Variants in EML4 observed in about 807,000 individuals in gnomAD.
The protein encoded by EML4 is EMAP like 4.
A neutral mutation model predicts 129.0 loss-of-function variants in EML4; 72 were observed. The ratio of observed to expected loss-of-function variants is 0.56; its 90% CI spans 0.46 to 0.68. The LOEUF is 0.68. Among genes scored for constraint, EML4 ranks in the 30% least tolerant of loss-of-function variants. The probability of loss-of-function intolerance (pLI) is 0.00; values close to 1 mark genes in which losing one functional copy is unlikely to be tolerated. For synonymous variants in EML4, 532 were observed against 405.0 expected (o/e 1.31, Z -3.77); for missense variants, 1,363 against 1,190.6 (o/e 1.14, Z -2.13).
intron 6 of EML4, among the ~76,000 whole-genome samples, chr2:42,277,574 T>C (rs983979908): frequency 6.6e-6 from 1 of 151,274 alleles, no homozygotes; most frequent in Non-Finnish European, 1.5e-5. Flanking sequence ...CACAACCTTT[T>C]TTTTTTTTTT....
At chr2:42,187,345 G>A (rs1671317172) in intron 1 of EML4, among the ~76,000 whole-genome samples, 2 of 152,096 alleles carry the variant, frequency 1.3e-5, no homozygotes, top group South Asian at 2.1e-4. Context: ...ACCACATCCA[G>A]CGTATTTTGT....
At chr2:42,267,846 C>T (rs764732314) in intron 6 of EML4, among the ~76,000 whole-genome samples, 1 of 152,126 alleles carries the variant, frequency 6.6e-6, no homozygotes, top group Non-Finnish European at 1.5e-5. Context: ...GCTCCAGATA[C>T]AGCAGAGATA....
At chr2:42,191,958 G>A (rs12997585) in intron 1 of EML4, among the ~76,000 whole-genome samples, 32,673 of 151,760 alleles carry the variant, frequency 0.22, 4,550 homozygotes, top group East Asian at 0.56. Flanking sequence ...AGGCCAACAC[G>A]GTGAAACTCC....
chr2:42,197,505 C>G (rs754599381), intron 1 of EML4, among the ~76,000 whole-genome samples: 1 of 151,314 alleles, frequency 6.6e-6, no homozygotes, highest in Non-Finnish European at 1.5e-5. Flanking sequence ...TTTAAGACAC[C>G]TGCTTAAATA....
At chr2:42,296,473 A>AT (rs1558585859) in intron 13 of EML4, among the ~76,000 whole-genome samples, 7 of 92,930 alleles carry the variant, frequency 7.5e-5, no homozygotes, top group Non-Finnish European at 1.3e-4. Context: ...ACAACACCTT[A>AT]TACTTCTCTC....
chr2:42,207,606 A>G (rs903064808), intron 1 of EML4, among the ~76,000 whole-genome samples: 2 of 152,210 alleles, frequency 1.3e-5, no homozygotes, highest in Non-Finnish European at 2.9e-5. Context: ...AAATTTAGTT[A>G]ACAGGCAACT....
At chr2:42,195,310 T>C (rs926546998) in intron 1 of EML4, among the ~76,000 whole-genome samples, 2 of 152,186 alleles carry the variant, frequency 1.3e-5, no homozygotes, top group Non-Finnish European at 2.9e-5. Flanking sequence ...GTGAGAGAGA[T>C]TACATTATTA....
At chr2:42,297,101 G>A (rs532153500) in intron 13 of EML4, among the ~76,000 whole-genome samples, 7 of 152,238 alleles carry the variant, frequency 4.6e-5, no homozygotes, top group African/African-American at 1.2e-4. Flanking sequence ...AGCCTCTTTC[G>A]TTCAGTTTAG....
chr2:42,184,557 A>G (rs1056364999), intron 1 of EML4, among the ~76,000 whole-genome samples: 2 of 151,674 alleles, frequency 1.3e-5, no homozygotes, highest in East Asian at 2.0e-4. Flanking sequence ...TGCGCCCCCT[A>G]CATGGATTCC....
intron 17 of EML4, among the ~76,000 whole-genome samples, chr2:42,307,107 G>A (rs1000070075): frequency 2.0e-5 from 3 of 152,192 alleles, no homozygotes; most frequent in African/African-American, 7.2e-5. Context: ...GGCTAGCGGG[G>A]TTTGAATCAT....
At chr2:42,213,220 C>T (rs1672981551) in intron 1 of EML4, among the ~76,000 whole-genome samples, 1 of 152,128 alleles carries the variant, frequency 6.6e-6, no homozygotes, top group Non-Finnish European at 1.5e-5. Context: ...TTACCAGAAT[C>T]CCAGAAGCTC....
At chr2:42,245,813 G>A (rs1173456933) in intron 2 of EML4, 126 bp downstream of exon 2, 26 of 922,906 alleles carry the variant, frequency 2.8e-5, no homozygotes, top group Non-Finnish European at 3.8e-5. Context: ...TTTCCATTTC[G>A]TTTTTTTAAT....
chr2:42,318,226 C>T (rs905194790), intron 19 of EML4, among the ~76,000 whole-genome samples: 5 of 152,176 alleles, frequency 3.3e-5, no homozygotes, highest in African/African-American at 1.2e-4. Flanking sequence ...AGACTCTGAG[C>T]CAGACTACCT....
intron 1 of EML4, among the ~76,000 whole-genome samples, chr2:42,200,769 CAT>C (rs1454407468): frequency 3.9e-5 from 6 of 152,266 alleles, no homozygotes; most frequent in Non-Finnish European, 8.8e-5. Context: ...TGCAGACACT[CAT>C]AGTCTTGGCA....
intron 1 of EML4, among the ~76,000 whole-genome samples, chr2:42,196,980 G>A (rs757866422): frequency 4.6e-5 from 7 of 152,128 alleles, no homozygotes; most frequent in Non-Finnish European, 8.8e-5. Context: ...GTTTTTGTAG[G>A]CCCATAGAAT....
At chr2:42,229,347 A>G (rs1216964298) in intron 1 of EML4, among the ~76,000 whole-genome samples, 3 of 152,334 alleles carry the variant, frequency 2.0e-5, no homozygotes, top group East Asian at 1.9e-4. Context: ...GCCTGGGTAT[A>G]TAGTTACTAA....
chr2:42,242,445 T>C (rs1675097897), intron 1 of EML4, among the ~76,000 whole-genome samples: 1 of 151,974 alleles, frequency 6.6e-6, no homozygotes, highest in Non-Finnish European at 1.5e-5. Context: ...CTTCAGAGAG[T>C]ATAACTGGAA....
chr2:42,302,456 A>T (rs1374868775), intron 14 of EML4, among the ~76,000 whole-genome samples: 1 of 152,268 alleles, frequency 6.6e-6, no homozygotes, highest in East Asian at 1.9e-4. Flanking sequence ...ACCCAAAGTA[A>T]TGTAACTAAT....
At position 42,286,873 on chromosome 2, in the gene EML4, A is replaced by C. The variant is rs539685779; in HGVS notation, c.1122+494A>C. On this transcript the variant is annotated intron_variant, in intron 10 of 22. Coordinates refer to ENST00000318522, the MANE Select transcript of EML4 (RefSeq NM_019063.5). ...AAGTCCTGAATTATCTTGGTTTTGA[A>C]TTGATGACAACATGGGTTTAAAATT... 2.0e-5 allele frequency among the ~76,000 whole-genome samples: 3 copies of C among 152,338 alleles called. No individual in the cohort carries two copies. The East Asian group carries it at 5.8e-4, about 29-fold the overall frequency.
Sources: gnomAD v4.1 joint callset for allele counts (sites outside exome capture counted in the v4.1 genomes callset) on GRCh38, gnomAD v4.1.1 for gene constraint, MANE v1.5 for transcripts, NCBI Gene and HGNC (gene_info 2026-07-23, HGNC 2026-07-21) for gene names.